Variants in ZNF157 observed in about 807,000 individuals in gnomAD.
The protein encoded by ZNF157 is zinc finger protein 22.
In ZNF157, 8 loss-of-function variants were observed where a neutral mutation model predicts 9.4. That is an observed-to-expected ratio of 0.85 (90% confidence interval 0.50 to 1.53). The LOEUF (loss-of-function observed/expected upper bound fraction) is 1.53. Among genes scored for constraint, ZNF157 ranks in the 40% most tolerant of loss-of-function variants. The pLI is 0.00. For missense variants in ZNF157, 316 were observed against 385.2 expected (o/e 0.82, Z 1.50); for synonymous variants, 120 against 130.8 (o/e 0.92, Z 0.56).
chrX:47,401,793 G>A (rs1294701685), intron 1 of ZNF157, among the ~76,000 whole-genome samples: 1 of 110,826 alleles, frequency 9.0e-6, no homozygotes, highest in Admixed American at 9.7e-5. Flanking sequence ...AGGCCAGAGT[G>A]CAGTGGCACA....
Position 47,413,388 on chromosome X carries a change from G to A in ZNF157, c.1315G>A (p.Glu439Lys), listed in dbSNP as rs2055972969. Residue 439 changes from glutamate (E) to lysine (K), a missense_variant, in exon 4 of 4, where the codon GAG becomes AAG. Around this residue, in one of 3 missense-constraint regions of ZNF157, gnomAD observed 167 missense variants for 183.6 expected, o/e 0.91. Coordinates refer to ENST00000377073, the MANE Select transcript of ZNF157 (RefSeq NM_003446.4). ...TCAACACCGGAGAACTCACACAGGAGAGAAACCTTATGAATGTAGTGAATG... is the reference window on the plus strand; with the variant it reads ...TCAACACCGGAGAACTCACACAGGAAAGAAACCTTATGAATGTAGTGAATG... ...LCQHRRTHTG[E>K]KPYECSECGN... 1 of 1,211,899 alleles carries A rather than the reference G, an allele frequency of 8.3e-7. No homozygotes were observed. Among genetic ancestry groups the A allele is most frequent in the Admixed American group, 2.2e-5 (1 of 46,063 alleles).
At chrX:47,406,567 G>A (rs750769648) in intron 1 of ZNF157, among the ~76,000 whole-genome samples, 2 of 110,740 alleles carry the variant, frequency 1.8e-5, no homozygotes, top group African/African-American at 3.3e-5. Context: ...TAGAGACAGG[G>A]TTTCGCCATG....
At chrX:47,398,708 T>C (rs954720982) in intron 1 of ZNF157, among the ~76,000 whole-genome samples, 2 of 107,699 alleles carry the variant, frequency 1.9e-5, no homozygotes, top group African/African-American at 6.8e-5. Context: ...TTAGATGAAG[T>C]CTCACTCTTG....
At chrX:47,370,890 G>C (rs2055826766) in intron 1 of ZNF157, 150 bp downstream of exon 1, 1 of 475,110 alleles carries the variant, frequency 2.1e-6, no homozygotes, top group Admixed American at 4.5e-5. Context: ...GTAATACCCA[G>C]GATATTGACA....
In ZNF157 at chrX:47,370,723, C is replaced by T; in HGVS notation, c.55C>T (p.Pro19Ser). 1.7e-6 allele frequency: 2 copies of T among 1,201,371 alleles called. No homozygotes were observed. Among genetic ancestry groups the T allele is most frequent in the African/African-American group, 1.7e-5 (1 of 57,313 alleles). ...QRFPALIPGE[P>S]GRSFEGSVSF... ...ATTCCCTGCCCTGATTCCAGGAGAA[C>T]CTGGCAGATCTTTTGAGGTAAGGAG... Residue 19 changes from proline to serine, a missense_variant, in exon 1 of 4, where the codon CCT (proline) becomes TCT (serine). Physicochemically the swap from Pro to Ser is moderately conservative, Grantham distance 74. Transcript: ENST00000377073.
At position 47,412,894 on chromosome X, in the gene ZNF157, A is replaced by G; in HGVS notation, c.821A>G (p.Tyr274Cys). ...HQRTHTGEKP[Y>C]ECSECGKTFR... ...AGAACTCACACAGGGGAGAAACCCT[A>G]TGAATGTAGTGAATGTGGGAAAACA... The change falls in exon 4 of 4, where the codon TAT becomes TGT. Residue 274 changes from tyrosine (Y) to cysteine (C), a missense_variant. Physicochemically the swap from Tyr to Cys is radical, Grantham distance 194. Transcript: ENST00000377073. 1 of 1,212,010 alleles carries G rather than the reference A, an allele frequency of 8.3e-7. No homozygotes were observed. The highest frequency in any genetic ancestry group is 3.0e-5 in the East Asian group (1 of 33,868).
intron 1 of ZNF157, among the ~76,000 whole-genome samples, chrX:47,386,970 T>C (rs1286564762): frequency 9.0e-6 from 1 of 111,118 alleles, no homozygotes; most frequent in Non-Finnish European, 1.9e-5. Flanking sequence ...GTCTTTTTTT[T>C]GTTTTTGTTT....
At chrX:47,406,908 C>T (rs1430209009) in intron 1 of ZNF157, among the ~76,000 whole-genome samples, 8 of 112,132 alleles carry the variant, frequency 7.1e-5, no homozygotes, top group African/African-American at 9.7e-5. Flanking sequence ...TAAAAGTGGA[C>T]GTCTCTTGCC....
chrX:47,410,240 G>A (rs1170589115), intron 1 of ZNF157, 36 bp from the exon 2 acceptor site: 6 of 1,209,769 alleles, frequency 5.0e-6, no homozygotes, highest in Non-Finnish European at 6.7e-6. Context: ...TCTTTTTCAT[G>A]CATCCCATTC....
At chrX:47,398,827 G>A (rs751825720) in intron 1 of ZNF157, among the ~76,000 whole-genome samples, 35 of 111,942 alleles carry the variant, frequency 3.1e-4, no homozygotes, top group Non-Finnish European at 4.5e-4. Context: ...GATTACAGGC[G>A]CCTGCCACCA....
intron 1 of ZNF157, among the ~76,000 whole-genome samples, chrX:47,398,610 C>T (rs747772598): frequency 1.8e-5 from 2 of 110,633 alleles, no homozygotes; most frequent in South Asian, 3.8e-4. Context: ...TGGGTTCAAG[C>T]GATTCTCCTG....
At chrX:47,377,315 G>C (rs940907012) in intron 1 of ZNF157, among the ~76,000 whole-genome samples, 5 of 107,011 alleles carry the variant, frequency 4.7e-5, no homozygotes, top group Non-Finnish European at 7.7e-5. Context: ...TACAACTCTG[G>C]GTCTTTGTGA....
At chrX:47,389,229 C>T (rs928269625) in intron 1 of ZNF157, among the ~76,000 whole-genome samples, 1 of 109,961 alleles carries the variant, frequency 9.1e-6, no homozygotes, top group African/African-American at 3.3e-5. Flanking sequence ...TTTTTTGAGA[C>T]AGAGTCTTGC....
chrX:47,396,863 A>C (rs144045298), intron 1 of ZNF157, among the ~76,000 whole-genome samples: 3 of 112,021 alleles, frequency 2.7e-5, no homozygotes, highest in South Asian at 3.7e-4. Flanking sequence ...GAGCAAAGTC[A>C]CATCTTACAT....
At position 47,376,567 on chromosome X, in the gene ZNF157, G is replaced by T. The variant is rs575329390; in HGVS notation, c.72+5827G>T. Among the ~76,000 whole-genome samples the T allele has an allele frequency of 2.7e-5, 3 of 111,186 alleles. No homozygotes were observed. The Middle Eastern group carries it at 0.014, about 508-fold the overall frequency. The stretch of plus-strand genomic sequence containing the variant: ...AGAGGCAGAGGTTGAAGTGAGCCAC[G>T]ATCGCGTCATTGTACTCCAGCTTGG... On this transcript the variant is annotated intron_variant, in intron 1 of 3. Transcript: ENST00000377073.
chrX:47,399,129 A>G (rs1291725204), intron 1 of ZNF157, among the ~76,000 whole-genome samples: 4 of 111,581 alleles, frequency 3.6e-5, no homozygotes, highest in Non-Finnish European at 7.5e-5. Context: ...TCTATTTGTC[A>G]CTGATTTCTA....
chrX:47,379,672 C>T (rs1301538983), intron 1 of ZNF157, among the ~76,000 whole-genome samples: 1 of 105,533 alleles, frequency 9.5e-6, no homozygotes, highest in Non-Finnish European at 1.9e-5. Flanking sequence ...CTGCCTTGGC[C>T]TCCCAGTTTT....
rs1249896690 is a variant in ZNF157 at position 47,412,374 on chromosome X, C to G, written c.301C>G (p.Leu101Val). 8.4e-7 allele frequency: 1 copy of G among 1,186,148 alleles called. No homozygotes were observed. The highest frequency in any genetic ancestry group is 1.8e-5 in the African/African-American group (1 of 57,016). ...GCTGTGATTTATTTTTAAAGGATCT[C>G]TCTCACTGCTGTGTGGCAATGGTTC... The part of the protein sequence containing the change: ...ESSGHGYSGS[L>V]SLLCGNGSVG... The change falls in exon 4 of 4, where the codon CTC becomes GTC. Residue 101 changes from leucine (L) to valine (V), a missense_variant. Physicochemically the swap from Leu to Val is conservative, Grantham distance 32. Coordinates refer to ENST00000377073, the MANE Select transcript of ZNF157 (RefSeq NM_003446.4).
intron 1 of ZNF157, among the ~76,000 whole-genome samples, chrX:47,372,450 C>T (rs991677735): frequency 9.2e-5 from 10 of 109,178 alleles, no homozygotes; most frequent in South Asian, 4.0e-4. Context: ...TCCCACATGC[C>T]TTGCCCTATG....
Sources: gnomAD v4.1 joint callset for allele counts (sites outside exome capture counted in the v4.1 genomes callset) on GRCh38, gnomAD v4.1.1 for gene constraint, gnomAD v4.1.1 regional missense constraint, MANE v1.5 for transcripts, NCBI Gene and HGNC (gene_info 2026-07-23, HGNC 2026-07-21) for gene names.